Variants in PAPPA2 observed in about 807,000 individuals in gnomAD.
PAPPA2 encodes pappalysin 2.
A neutral mutation model predicts 176.4 loss-of-function variants in PAPPA2; 86 were observed. The observed-to-expected ratio is 0.49, with a 90% CI of 0.41 to 0.58. The LOEUF is 0.58. PAPPA2 is among the 20% of genes least tolerant of loss of function. PAPPA2 has a pLI of 0.00. For missense variants in PAPPA2, 2,073 were observed against 2,256.9 expected (o/e 0.92, Z 1.65); for synonymous variants, 809 against 852.2 (o/e 0.95, Z 0.88).
intron 10 of PAPPA2, among the ~76,000 whole-genome samples, chr1:176,709,209 C>T (rs1661029173): frequency 1.3e-5 from 2 of 152,042 alleles, no homozygotes; most frequent in Admixed American, 6.6e-5. Context: ...TGAAGACAGC[C>T]CCTCTGTCTT....
In PAPPA2 at chr1:176,556,140, CG is replaced by C; in HGVS notation, c.-181del. The C allele has an allele frequency of 1.5e-6, 1 of 679,444 alleles. No homozygotes were observed. Among genetic ancestry groups the C allele is most frequent in the Admixed American group, 2.9e-5 (1 of 34,188 alleles). The allele number at this position is 679,444 out of a possible 1,614,324, so 42.1% of individuals were successfully genotyped here. ...AGGCATAGAAGCCACACTGGCAGAG[CG>C]GCCAGCACAGGTAGCCAGCAGAGGC... On this transcript the variant is annotated 5_prime_UTR_variant, in exon 2 of 23. An upstream open reading frame in the 5' UTR gains an earlier in-frame stop. Transcript: ENST00000367662.
chr1:176,770,608 G>A (rs1370396601), intron 16 of PAPPA2, among the ~76,000 whole-genome samples: 2 of 152,128 alleles, frequency 1.3e-5, no homozygotes, highest in East Asian at 3.9e-4. Flanking sequence ...CATATAATAA[G>A]CACTATAAAA....
At chr1:176,618,751 G>T (rs961288067) in intron 3 of PAPPA2, among the ~76,000 whole-genome samples, 2 of 152,136 alleles carry the variant, frequency 1.3e-5, no homozygotes, top group African/African-American at 4.8e-5. Flanking sequence ...TGAGGCACTA[G>T]GATTAAAAGA....
intron 1 of PAPPA2, among the ~76,000 whole-genome samples, chr1:176,536,060 AC>A (rs1181222780): frequency 2.6e-5 from 4 of 152,196 alleles, no homozygotes; most frequent in Non-Finnish European, 5.9e-5. Context: ...AAGCTAATTA[AC>A]AATTCATCAT....
chr1:176,535,972 C>T (rs1306223549), intron 1 of PAPPA2, among the ~76,000 whole-genome samples: 2 of 152,174 alleles, frequency 1.3e-5, no homozygotes, highest in Non-Finnish European at 2.9e-5. Context: ...TTTAGAACCT[C>T]ACACTGTAAC....
chr1:176,555,006 A>T (rs138670690), intron 1 of PAPPA2, among the ~76,000 whole-genome samples: 25,836 of 142,244 alleles, frequency 0.18, 2,802 homozygotes, highest in African/African-American at 0.33. Context: ...TGTGTGAGAG[A>T]GAGAGAGAGA....
chr1:176,827,842 G>A (rs1410699041), intron 21 of PAPPA2, among the ~76,000 whole-genome samples: 2 of 152,080 alleles, frequency 1.3e-5, no homozygotes, highest in East Asian at 3.8e-4. Flanking sequence ...TTAATTTACT[G>A]TATAGAGTAA....
intron 20 of PAPPA2, among the ~76,000 whole-genome samples, chr1:176,795,731 C>T (rs1057449032): frequency 1.3e-5 from 2 of 152,152 alleles, no homozygotes; most frequent in Admixed American, 6.5e-5. Flanking sequence ...CTAAACAGCA[C>T]TATTTTTCTG....
At chr1:176,829,889 C>T (rs1667018512) in intron 21 of PAPPA2, among the ~76,000 whole-genome samples, 1 of 152,214 alleles carries the variant, frequency 6.6e-6, no homozygotes, top group South Asian at 2.1e-4. Context: ...CCTTACTGGG[C>T]AGGATGCCTG....
chr1:176,740,020 C>A lies in PAPPA2; in HGVS notation c.3975C>A (p.Ile1325=). ...GLSCQHNPLI[I]NVTHHQNVLF... ...CATGCCAGCATAATCCACTGATTAT[C>A]AATGTGACCCATCACCAGAATGTCC... Residue 1325 remains isoleucine (I), a synonymous_variant, in exon 14 of 23, where the codon ATC becomes ATA. Coordinates refer to ENST00000367662, the MANE Select transcript of PAPPA2 (RefSeq NM_020318.3). 6.2e-7 allele frequency: 1 copy of A among 1,613,924 alleles called. No homozygotes were observed.
At chr1:176,604,435 G>T (rs934687500) in intron 3 of PAPPA2, among the ~76,000 whole-genome samples, 4 of 152,150 alleles carry the variant, frequency 2.6e-5, no homozygotes, top group Non-Finnish European at 4.4e-5. Context: ...TTAAAAAAAG[G>T]AATGTTCTTA....
chr1:176,730,818 A>G (rs914772576), intron 12 of PAPPA2, among the ~76,000 whole-genome samples: 1 of 151,986 alleles, frequency 6.6e-6, no homozygotes, highest in Non-Finnish European at 1.5e-5. Context: ...AGTCGTAAGT[A>G]TTTTGTAATG....
chr1:176,632,380 C>T (rs1486520417), intron 3 of PAPPA2, among the ~76,000 whole-genome samples: 1 of 151,988 alleles, frequency 6.6e-6, no homozygotes, highest in South Asian at 2.1e-4. Context: ...AGATGAATAA[C>T]TAACATAGTC....
rs1380999127 is a variant in PAPPA2 at position 176,555,388 on chromosome 1, C to T, written c.-916-19C>T. The stretch of plus-strand genomic sequence containing the variant: ...TGAAGTGTATGCTCTTCTTTTTGCT[C>T]TTTTCCCGATCTTCCCAGGAACCCA... On this transcript the variant is annotated intron_variant, in intron 1 of 22. Transcript: ENST00000367662. 6.6e-6 allele frequency: 1 copy of T among 152,280 alleles called. No homozygotes were observed. Among genetic ancestry groups the T allele is most frequent in the Non-Finnish European group, 1.5e-5 (1 of 68,104 alleles). The allele number at this position is 152,280 out of a possible 1,614,324, so 9.4% of individuals were successfully genotyped here. A position where few individuals can be genotyped will look rare whatever the true frequency, so the allele number is the denominator to read the frequency against.
At chr1:176,538,904 T>G (rs556684144) in intron 1 of PAPPA2, among the ~76,000 whole-genome samples, 1 of 152,300 alleles carries the variant, frequency 6.6e-6, no homozygotes, top group Non-Finnish European at 1.5e-5. Flanking sequence ...TTAAAAAGTT[T>G]TGGTTAAAAT....
intron 17 of PAPPA2, among the ~76,000 whole-genome samples, chr1:176,778,313 A>G (rs1238997771): frequency 2.0e-5 from 3 of 152,070 alleles, no homozygotes; most frequent in Non-Finnish European, 4.4e-5. Flanking sequence ...AAAGAGGGGG[A>G]AAAAGAAACA....
At chr1:176,732,604 A>G (rs1204871864) in intron 12 of PAPPA2, among the ~76,000 whole-genome samples, 1 of 152,178 alleles carries the variant, frequency 6.6e-6, no homozygotes, top group Non-Finnish European at 1.5e-5. Flanking sequence ...CTTGTTACTC[A>G]AAATGTGGTT....
intron 2 of PAPPA2, among the ~76,000 whole-genome samples, chr1:176,572,755 A>C (rs1421802739): frequency 6.6e-6 from 1 of 152,236 alleles, no homozygotes; most frequent in Non-Finnish European, 1.5e-5. Context: ...ACTTTAAGAA[A>C]ACCTGACATG....
At chr1:176,715,056 C>G (rs1321597672) in intron 12 of PAPPA2, among the ~76,000 whole-genome samples, 2 of 152,066 alleles carry the variant, frequency 1.3e-5, no homozygotes, top group African/African-American at 4.8e-5. Context: ...GTACCCAGAC[C>G]CCTACTTGTT....
Sources: allele counts gnomAD v4.1 joint callset (sites outside exome capture counted in the v4.1 genomes callset), GRCh38; gene constraint gnomAD v4.1.1; transcripts MANE v1.5; gene names NCBI Gene and HGNC (gene_info 2026-07-23, HGNC 2026-07-21).